The following SLC24A2 variants were observed in gnomAD, a reference collection of about 807,000 sequenced individuals.
SLC24A2 encodes the protein sodium/potassium/calcium exchanger 2.
In SLC24A2, 36 loss-of-function variants were observed where a neutral mutation model predicts 62.0. That is an observed-to-expected ratio of 0.58 (90% CI 0.44 to 0.77). The LOEUF (loss-of-function observed/expected upper bound fraction) is 0.77. Among genes scored for constraint, SLC24A2 ranks in the 30% least tolerant of loss-of-function variants. The pLI, the probability that SLC24A2 is intolerant of heterozygous loss-of-function variation, is 0.00. For missense variants in SLC24A2, 846 were observed against 817.9 expected, an observed-to-expected ratio of 1.03 and a Z score of -0.42; for synonymous variants, 358 against 294.0, an observed-to-expected ratio of 1.22 and a Z score of -2.23.
the SLC24A2 span, among the ~76,000 whole-genome samples, chr9:19,873,382 CTT>C: frequency 7.2e-6 from 1 of 139,574 alleles, no homozygotes; most frequent in African/African-American, 2.7e-5. Flanking sequence ...CTTTCTTTCT[CTT>C]TCTCTCTCTC....
At chr9:20,296,807 A>C in the SLC24A2 span, among the ~76,000 whole-genome samples, 2 of 152,106 alleles carry the variant, frequency 1.3e-5, no homozygotes, top group African/African-American at 4.8e-5. Flanking sequence ...TTTCTGACCT[A>C]TTTCTTCATG....
At chr9:19,537,314 T>C (rs1345154931) in intron 8 of SLC24A2, among the ~76,000 whole-genome samples, 2 of 129,162 alleles carry the variant, frequency 1.5e-5, no homozygotes, top group African/African-American at 6.0e-5. Context: ...TAGGTTTTCT[T>C]CTAGGGTTTT....
chr9:19,757,952 C>A (rs1822195769), intron 2 of SLC24A2, among the ~76,000 whole-genome samples: 1 of 152,130 alleles, frequency 6.6e-6, no homozygotes, highest in Non-Finnish European at 1.5e-5. Context: ...ATGTCCACTT[C>A]CCCTTTTACC....
intron 7 of SLC24A2, among the ~76,000 whole-genome samples, chr9:19,557,185 A>G (rs574692251): frequency 6.6e-6 from 1 of 152,322 alleles, no homozygotes. Flanking sequence ...AGTTCTAAAA[A>G]TAGATATGAA....
At chr9:20,043,397 T>C in the SLC24A2 span, among the ~76,000 whole-genome samples, 4 of 152,218 alleles carry the variant, frequency 2.6e-5, no homozygotes, top group East Asian at 3.8e-4. Context: ...ATTTAGAAAG[T>C]ACATTTTGTA....
chr9:19,760,959 C>T (rs1299264925), intron 2 of SLC24A2, among the ~76,000 whole-genome samples: 5 of 151,808 alleles, frequency 3.3e-5, no homozygotes, highest in Non-Finnish European at 5.9e-5. Context: ...ATACACCTCA[C>T]GTAAACGACA....
At position 19,532,117 on chromosome 9, in the gene SLC24A2, T is replaced by C. The variant is rs527768128; in HGVS notation, c.1480-3979A>G. ...TTGTTTGTTTGACAGAGTTTCCCTG[T>C]TGTTGCCCAGGCTGGAGTGCAATGG... On this transcript the variant is annotated intron_variant, in intron 8 of 10. Coordinates refer to ENST00000341998, the MANE Select transcript of SLC24A2 (RefSeq NM_020344.4). 5.2e-4 allele frequency among the ~76,000 whole-genome samples: 79 copies of C among 152,242 alleles called. 2 individuals carry two copies. The South Asian group carries it at 0.016, about 31-fold the overall frequency.
At chr9:19,923,236 C>G in the SLC24A2 span, among the ~76,000 whole-genome samples, 3 of 152,092 alleles carry the variant, frequency 2.0e-5, no homozygotes, top group Non-Finnish European at 2.9e-5. Context: ...CAAGGACACC[C>G]AAGGACTTAC....
chr9:19,634,636 T>C (rs929706251), intron 2 of SLC24A2, among the ~76,000 whole-genome samples: 15 of 152,182 alleles, frequency 9.9e-5, no homozygotes, highest in Admixed American at 8.5e-4. Context: ...AAGGCATATC[T>C]CTTTGCATTC....
the SLC24A2 span, among the ~76,000 whole-genome samples, chr9:20,290,075 C>T: frequency 5.9e-5 from 9 of 152,176 alleles, no homozygotes; most frequent in East Asian, 3.9e-4. Flanking sequence ...CAGGTCTCTT[C>T]GCCCTGCACC....
At chr9:20,140,964 C>T in the SLC24A2 span, among the ~76,000 whole-genome samples, 2 of 152,124 alleles carry the variant, frequency 1.3e-5, no homozygotes, top group Admixed American at 6.6e-5. Context: ...CCTTGTCTCG[C>T]CTCCTGAAAA....
At chr9:19,746,763 A>G (rs148898410) in intron 2 of SLC24A2, among the ~76,000 whole-genome samples, 324 of 152,232 alleles carry the variant, frequency 2.1e-3, no homozygotes, top group African/African-American at 6.7e-3. Context: ...GACAAATAAC[A>G]TTTATTTGGT....
At chr9:19,971,101 T>C in the SLC24A2 span, among the ~76,000 whole-genome samples, 1 of 152,202 alleles carries the variant, frequency 6.6e-6, no homozygotes, top group Non-Finnish European at 1.5e-5. Flanking sequence ...TCTTGTCCTC[T>C]ACCATAGCCA....
the SLC24A2 span, among the ~76,000 whole-genome samples, chr9:20,226,233 GA>G: frequency 6.6e-6 from 1 of 152,062 alleles, no homozygotes; most frequent in Non-Finnish European, 1.5e-5. Flanking sequence ...AGTGCCATAA[GA>G]AAAGGCTTCC....
Position 19,787,026 on chromosome 9 carries a change from T to G in SLC24A2, c.-153-7A>C, listed in dbSNP as rs570350303. Reference sequence around the variant, plus strand: ...GAAACTTTCATCATTTATGCTTAAATAAAAATAAAAACGAGAATAAGTAAA... The same window carrying G: ...GAAACTTTCATCATTTATGCTTAAAGAAAAATAAAAACGAGAATAAGTAAA... On this transcript the variant is annotated splice_polypyrimidine_tract_variant and splice_region_variant and intron_variant, in intron 1 of 10. Transcript: ENST00000341998. The G allele has an allele frequency of 5.8e-6, 8 of 1,375,586 alleles. No homozygotes were observed. In the Admixed American group the frequency reaches 2.2e-4, roughly 38 times the overall value. The allele number at this position is 1,375,586 out of a possible 1,614,324, so 85.2% of individuals were successfully genotyped here. A position where few individuals can be genotyped will look rare whatever the true frequency, so the allele number is the denominator to read the frequency against.
the SLC24A2 span, among the ~76,000 whole-genome samples, chr9:19,820,542 A>T: frequency 5.3e-5 from 8 of 151,642 alleles, no homozygotes; most frequent in African/African-American, 9.7e-5. Context: ...TAAAAAATAA[A>T]AAATAAATAA....
chr9:19,737,132 A>G (rs1475560798), intron 2 of SLC24A2, among the ~76,000 whole-genome samples: 1 of 152,220 alleles, frequency 6.6e-6, no homozygotes, highest in African/African-American at 2.4e-5. Flanking sequence ...CACTGCACTA[A>G]GAACTTTGCC....
chr9:20,073,352 C>A, the SLC24A2 span, among the ~76,000 whole-genome samples: 2 of 152,134 alleles, frequency 1.3e-5, no homozygotes, highest in Non-Finnish European at 2.9e-5. Flanking sequence ...AAGTCAGACC[C>A]ACTCAGAATA....
intron 2 of SLC24A2, among the ~76,000 whole-genome samples, chr9:19,743,453 T>C (rs1202419144): frequency 1.3e-5 from 2 of 152,210 alleles, no homozygotes; most frequent in Non-Finnish European, 2.9e-5. Flanking sequence ...AGAATGAATG[T>C]TCTTTCAGTG....
Sources: allele counts gnomAD v4.1 joint callset (sites outside exome capture counted in the v4.1 genomes callset), GRCh38; gene constraint gnomAD v4.1.1; transcripts MANE v1.5; gene names NCBI Gene and HGNC (gene_info 2026-07-23, HGNC 2026-07-21).